RIMKLB: variants seen among roughly 807,000 people sequenced by gnomAD.
RIMKLB encodes the protein ribosomal modification protein rimK like family member B.
RIMKLB carries 7 observed loss-of-function variants against 32.0 expected under a neutral mutation model. That is an observed-to-expected ratio of 0.22 (90% CI 0.12 to 0.41). The LOEUF is 0.41. Among genes scored for constraint, RIMKLB ranks in the 10% least tolerant of loss-of-function variants. The probability of loss-of-function intolerance (pLI) is 1.00; values close to 1 mark genes in which losing one functional copy is unlikely to be tolerated. For synonymous variants in RIMKLB, 172 were observed against 185.1 expected, an observed-to-expected ratio of 0.93 and a Z score of 0.57; for missense variants, 289 against 498.7, an observed-to-expected ratio of 0.58 and a Z score of 4.00.
intron 5 of RIMKLB, among the ~76,000 whole-genome samples, chr12:8,763,562 C>G (rs745740089): frequency 4.6e-5 from 7 of 152,202 alleles, no homozygotes; most frequent in Admixed American, 4.6e-4. Flanking sequence ...AGGCTGGATA[C>G]GTTCCTCGCT....
intron 2 of RIMKLB, among the ~76,000 whole-genome samples, chr12:8,734,540 A>G (rs1424975600): frequency 1.3e-5 from 2 of 152,182 alleles, no homozygotes; most frequent in Non-Finnish European, 2.9e-5. Flanking sequence ...ATTAAATCAT[A>G]TAGTATTTAA....
intron 5 of RIMKLB, among the ~76,000 whole-genome samples, chr12:8,759,601 G>A (rs1949349833): frequency 1.3e-5 from 2 of 151,982 alleles, no homozygotes; most frequent in Admixed American, 6.6e-5. Flanking sequence ...CATTATATTT[G>A]CTTAGTTTTA....
chr12:8,777,237 T>TTC, downstream of RIMKLB: 3 of 973,140 alleles, frequency 3.1e-6, no homozygotes, highest in Non-Finnish European at 3.7e-6. Flanking sequence ...TTTTTTTTTT[T>TTC]TTTCTTCTTA....
At chr12:8,687,447 A>G (rs1942608837) in intron 1 of RIMKLB, among the ~76,000 whole-genome samples, 3 of 152,178 alleles carry the variant, frequency 2.0e-5, no homozygotes, top group Admixed American at 6.5e-5. Flanking sequence ...CTTCTGAAAC[A>G]AAAAGCTCCA....
the RIMKLB span, among the ~76,000 whole-genome samples, chr12:8,675,533 A>G: frequency 3.9e-5 from 6 of 152,182 alleles, no homozygotes; most frequent in African/African-American, 7.2e-5. Context: ...TCTAACCTCT[A>G]TCTATCACCT....
At chr12:8,704,118 T>G (rs1383691092) in intron 1 of RIMKLB, among the ~76,000 whole-genome samples, 1 of 152,230 alleles carries the variant, frequency 6.6e-6, no homozygotes, top group Non-Finnish European at 1.5e-5. Flanking sequence ...ACGTGGTGGC[T>G]CACGCCTGTA....
intron 1 of RIMKLB, among the ~76,000 whole-genome samples, chr12:8,704,678 G>A (rs1285930522): frequency 6.6e-6 from 1 of 152,164 alleles, no homozygotes; most frequent in Non-Finnish European, 1.5e-5. Flanking sequence ...TCCGGAGGAT[G>A]TGTTATTTAA....
chr12:8,678,177 A>AT (rs1942355392), upstream of RIMKLB, among the ~76,000 whole-genome samples: 1 of 146,264 alleles, frequency 6.8e-6, no homozygotes. Flanking sequence ...TTTAATTAAA[A>AT]ATTTTTTTTT....
chr12:8,737,301 G>C (rs1180372512), intron 2 of RIMKLB, among the ~76,000 whole-genome samples: 1 of 148,074 alleles, frequency 6.8e-6, no homozygotes, highest in African/African-American at 2.5e-5. Flanking sequence ...TAGAGTACAA[G>C]TGAGCTTTTC....
chr12:8,708,203 T>C (rs1254643818), intron 1 of RIMKLB, among the ~76,000 whole-genome samples: 8 of 152,146 alleles, frequency 5.3e-5, no homozygotes, highest in Non-Finnish European at 1.2e-4. Context: ...TTCCTTTAGC[T>C]TTATTTTTCT....
intron 1 of RIMKLB, among the ~76,000 whole-genome samples, chr12:8,705,186 A>T (rs145319364): frequency 6.6e-6 from 1 of 152,146 alleles, no homozygotes; most frequent in African/African-American, 2.4e-5. Context: ...TGGAGATAAG[A>T]GTAAAGTGGG....
rs144514396 is a variant in RIMKLB, at chr12:8,737,902, C to T, written c.176-11960C>T. ...GCTAATTTTGTATTTTTAGTAGAGA[C>T]GGAGTTTCTCCATGTTGGTCAGACT... On this transcript the variant is annotated intron_variant, in intron 2 of 5. Transcript: ENST00000535829. 9.2e-5 allele frequency among the ~76,000 whole-genome samples: 14 copies of T among 152,224 alleles called. No individual in the cohort carries two copies. The East Asian group carries it at 9.7e-4, about 11-fold the overall frequency.
At chr12:8,757,394 G>A (rs1490251164) in intron 5 of RIMKLB, among the ~76,000 whole-genome samples, 1 of 149,822 alleles carries the variant, frequency 6.7e-6, no homozygotes, top group African/African-American at 2.5e-5. Flanking sequence ...TAAGCCAGAC[G>A]TGGTGATTCA....
At chr12:8,778,277 A>G (rs1950851320), downstream of RIMKLB, among the ~76,000 whole-genome samples, 1 of 152,186 alleles carries the variant, frequency 6.6e-6, no homozygotes, top group Non-Finnish European at 1.5e-5. Flanking sequence ...ATATGGTAAA[A>G]ACTCAACATA....
chr12:8,709,906 TG>T (rs1210436016), intron 1 of RIMKLB, among the ~76,000 whole-genome samples: 1 of 152,354 alleles, frequency 6.6e-6, no homozygotes, highest in Non-Finnish European at 1.5e-5. Flanking sequence ...AGGCATCCAC[TG>T]GGGGTCTTGG....
chr12:8,782,700 T>A (rs1388577800), intron 7 of RIMKLB, among the ~76,000 whole-genome samples: 1 of 152,176 alleles, frequency 6.6e-6, no homozygotes, highest in Non-Finnish European at 1.5e-5. Context: ...TTAAATGTCT[T>A]CTAAGTCAGA....
At chr12:8,754,785 A>C (rs1416900240) in intron 5 of RIMKLB, among the ~76,000 whole-genome samples, 1 of 151,966 alleles carries the variant, frequency 6.6e-6, no homozygotes, top group Non-Finnish European at 1.5e-5. Context: ...ATATGTATAT[A>C]TGTATGTATG....
downstream of RIMKLB, chr12:8,779,468 C>T (rs773352517): frequency 6.6e-6 from 1 of 152,300 alleles, no homozygotes; most frequent in East Asian, 1.9e-4. Flanking sequence ...AACTCTCCTG[C>T]TCAGGCTCAT....
chr12:8,747,212 A>G (rs1948177059), intron 2 of RIMKLB, among the ~76,000 whole-genome samples: 1 of 152,246 alleles, frequency 6.6e-6, no homozygotes. Flanking sequence ...TAATCAGAAC[A>G]GATATAAATT....
Sources: allele counts gnomAD v4.1 joint callset (sites outside exome capture counted in the v4.1 genomes callset), GRCh38; gene constraint gnomAD v4.1.1; transcripts MANE v1.5; gene names NCBI Gene and HGNC (gene_info 2026-07-23, HGNC 2026-07-21).